Variants in DOK5 observed in about 807,000 individuals in gnomAD.
DOK5 encodes downstream of tyrosine kinase 5.
A neutral mutation model predicts 43.3 loss-of-function variants in DOK5; 27 were observed. The ratio of observed to expected loss-of-function variants is 0.62; its 90% CI spans 0.46 to 0.86. DOK5 has a LOEUF of 0.86. DOK5 is among the 40% of genes least tolerant of loss of function. The pLI is 0.00. For synonymous variants in DOK5, 146 were observed against 140.1 expected, an observed-to-expected ratio of 1.04 and a Z score of -0.30; for missense variants, 373 against 392.9, an observed-to-expected ratio of 0.95 and a Z score of 0.43.
intron 1 of DOK5, among the ~76,000 whole-genome samples, chr20:54,536,886 G>A (rs566963882): frequency 6.6e-6 from 1 of 152,324 alleles, no homozygotes; most frequent in East Asian, 1.9e-4. Context: ...ACACCCATCA[G>A]TAACAAGTCC....
intron 1 of DOK5, among the ~76,000 whole-genome samples, chr20:54,485,478 G>T (rs1484886577): frequency 1.3e-5 from 2 of 152,076 alleles, no homozygotes; most frequent in African/African-American, 4.8e-5. Context: ...GTATAAGTTT[G>T]TTCTTTTTTC....
intron 6 of DOK5, among the ~76,000 whole-genome samples, chr20:54,637,192 C>T (rs565268045): frequency 1.4e-3 from 209 of 152,296 alleles, no homozygotes; most frequent in Admixed American, 3.3e-3. Context: ...AGCTTCTCTC[C>T]CCAGCAGCAT....
chr20:54,610,365 C>T, intron 5 of DOK5, 23 bp from the exon 6 acceptor site: 13 of 1,490,806 alleles, frequency 8.7e-6, no homozygotes, highest in South Asian at 1.4e-5. Flanking sequence ...TTTTCAGAAG[C>T]TGTTTTGTTT....
chr20:54,518,927 T>C (rs957332713), intron 1 of DOK5, among the ~76,000 whole-genome samples: 2 of 152,154 alleles, frequency 1.3e-5, no homozygotes, highest in Non-Finnish European at 2.9e-5. Context: ...GGAAGGCATT[T>C]ATGCAGCCAA....
At chr20:54,568,855 C>T (rs996337629) in intron 2 of DOK5, among the ~76,000 whole-genome samples, 2 of 151,928 alleles carry the variant, frequency 1.3e-5, no homozygotes, top group Non-Finnish European at 2.9e-5. Flanking sequence ...GCCCGTGAAC[C>T]CGGGAGGCGG....
At chr20:54,609,298 A>C (rs978294309) in intron 5 of DOK5, among the ~76,000 whole-genome samples, 4 of 152,222 alleles carry the variant, frequency 2.6e-5, no homozygotes, top group Non-Finnish European at 5.9e-5. Flanking sequence ...AGAAATTCTG[A>C]AATGGAAGGA....
chr20:54,497,887 C>T (rs1332688038), intron 1 of DOK5, among the ~76,000 whole-genome samples: 5 of 151,950 alleles, frequency 3.3e-5, no homozygotes, highest in Non-Finnish European at 5.9e-5. Flanking sequence ...TTTTGTAATA[C>T]AATGAAAACA....
intron 2 of DOK5, among the ~76,000 whole-genome samples, chr20:54,574,666 A>G (rs990858623): frequency 1.3e-5 from 2 of 152,206 alleles, no homozygotes; most frequent in Non-Finnish European, 2.9e-5. Context: ...AGTGAAAAGC[A>G]TTGTGGAGTA....
intron 6 of DOK5, among the ~76,000 whole-genome samples, chr20:54,638,030 G>A (rs1439643566): frequency 7.9e-5 from 12 of 151,572 alleles, no homozygotes; most frequent in African/African-American, 2.7e-4. Flanking sequence ...GCTGAGGCAG[G>A]AGAATGGTGT....
At chr20:54,481,131 C>CT (rs370473409) in intron 1 of DOK5, among the ~76,000 whole-genome samples, 26 of 139,414 alleles carry the variant, frequency 1.9e-4, no homozygotes, top group African/African-American at 7.2e-4. Context: ...ATGTATCTAT[C>CT]ATCTATCTAT....
intron 7 of DOK5, among the ~76,000 whole-genome samples, chr20:54,649,515 G>C (rs1242208935): frequency 1.3e-5 from 2 of 152,234 alleles, no homozygotes. Flanking sequence ...GTGCCTGCTT[G>C]ATCCACACAT....
chr20:54,543,721 A>T (rs1984246977), intron 1 of DOK5, among the ~76,000 whole-genome samples: 1 of 152,140 alleles, frequency 6.6e-6, no homozygotes, highest in Admixed American at 6.6e-5. Context: ...ACTAGAAGAG[A>T]AACAGATTAA....
chr20:54,628,839 C>G (rs1978436911), intron 6 of DOK5, among the ~76,000 whole-genome samples: 1 of 152,160 alleles, frequency 6.6e-6, no homozygotes, highest in Non-Finnish European at 1.5e-5. Flanking sequence ...GAAATACCGA[C>G]TTTTCAGACT....
chr20:54,543,278 T>A (rs1984228191), intron 1 of DOK5, among the ~76,000 whole-genome samples: 1 of 127,996 alleles, frequency 7.8e-6, no homozygotes. Context: ...ATATCCCGAA[T>A]GATGAAATGA....
intron 6 of DOK5, among the ~76,000 whole-genome samples, chr20:54,627,766 T>C (rs956168425): frequency 3.3e-5 from 5 of 152,230 alleles, no homozygotes; most frequent in Admixed American, 6.5e-5. Flanking sequence ...GGGCAGGGCA[T>C]TGAAATGCAC....
intron 1 of DOK5, among the ~76,000 whole-genome samples, chr20:54,499,545 A>G (rs1339889981): frequency 6.6e-6 from 1 of 152,212 alleles, no homozygotes; most frequent in Non-Finnish European, 1.5e-5. Context: ...CTAATATGGC[A>G]GTTATTGTAC....
intron 1 of DOK5, among the ~76,000 whole-genome samples, chr20:54,485,321 C>A (rs950736717): frequency 1.3e-5 from 2 of 148,972 alleles, no homozygotes; most frequent in South Asian, 2.1e-4. Context: ...CCATTGCACT[C>A]CAGCCTGGGT....
intron 6 of DOK5, among the ~76,000 whole-genome samples, chr20:54,637,187 C>T (rs1430265921): frequency 6.6e-6 from 1 of 152,236 alleles, no homozygotes; most frequent in Non-Finnish European, 1.5e-5. Context: ...TGGTTAGCTT[C>T]TCTCCCCAGC....
intron 1 of DOK5, among the ~76,000 whole-genome samples, chr20:54,551,590 G>C (rs1301896471): frequency 6.6e-6 from 1 of 152,084 alleles, no homozygotes; most frequent in Non-Finnish European, 1.5e-5. Context: ...GTGTTTTAAT[G>C]TTTAAGTCGA....
Sources: gnomAD v4.1 joint callset for allele counts (sites outside exome capture counted in the v4.1 genomes callset) on GRCh38, gnomAD v4.1.1 for gene constraint, MANE v1.5 for transcripts, NCBI Gene and HGNC (gene_info 2026-07-23, HGNC 2026-07-21) for gene names.